MUC12: variants seen among roughly 807,000 people sequenced by gnomAD.
The protein encoded by MUC12 is mucin 12, cell surface associated, also known as mucin-12.
A neutral mutation model predicts 230.8 loss-of-function variants in MUC12; 172 were observed. That is an observed-to-expected ratio of 0.75 (90% CI 0.66 to 0.85). The LOEUF is 0.85. Ranked by LOEUF, MUC12 falls within the 40% of genes least tolerant of loss-of-function variation. The probability of loss-of-function intolerance (pLI) is 0.00; values close to 1 mark genes in which losing one functional copy is unlikely to be tolerated. For missense variants in MUC12, 3,506 were observed against 5,920.6 expected (o/e 0.59, Z 13.38); for synonymous variants, 1,259 against 2,401.9 (o/e 0.52, Z 13.91).
At position 101,018,652 on chromosome 7, in the gene MUC12, C is replaced by T. The variant is rs1189390533; in HGVS notation, c.*16C>T. 8 of 1,534,462 alleles carry T rather than the reference C, an allele frequency of 5.2e-6. No homozygotes were observed. The highest frequency in any genetic ancestry group is 4.9e-5 in the East Asian group (2 of 40,726). On this transcript the variant is annotated 3_prime_UTR_variant, in exon 12 of 12. Transcript: ENST00000536621. Reference sequence around the variant, plus strand: ...CACTGTGTGAGCCAACGGGGGCCTCCCACCCTCATCTAGCTCTGTTCAGGA... The same window carrying T: ...CACTGTGTGAGCCAACGGGGGCCTCTCACCCTCATCTAGCTCTGTTCAGGA...
Position 100,991,772 on chromosome 7 carries a change from C to G in MUC12, c.1209C>G (p.Thr403=), listed in dbSNP as rs761469789. 3 of 1,537,948 alleles carry G rather than the reference C, an allele frequency of 2.0e-6. No individual in the cohort carries two copies. Among genetic ancestry groups the G allele is most frequent in the South Asian group, 2.4e-5 (2 of 84,054 alleles). The stretch of plus-strand genomic sequence containing the variant: ...ACACAAAATCTTCAACTCCTAGCAC[C>G]ACAGCTGCCCTAGCACATACAAGCT... ...TTHTKSSTPS[T]TAALAHTSYH... is the part of the protein sequence containing the mutation. The change falls in exon 2 of 12, where the codon ACC becomes ACG. Residue 403 remains threonine (T), a synonymous_variant. Coordinates refer to ENST00000536621, the MANE Select transcript of MUC12 (RefSeq NM_001164462.2).
At chr7:100,989,124 A>C (rs1304050994) in intron 1 of MUC12, among the ~76,000 whole-genome samples, 1 of 137,462 alleles carries the variant, frequency 7.3e-6, no homozygotes, top group Non-Finnish European at 1.5e-5. Context: ...TTTTTGAGAC[A>C]GAGTCTCACT....
chr7:101,013,912 G>A lies in MUC12; in HGVS notation c.15639-1G>A, dbSNP rs538554981. The A allele has an allele frequency of 5.2e-6, 8 of 1,533,054 alleles. No homozygotes were observed. Among genetic ancestry groups the A allele is most frequent in the South Asian group, 4.8e-5 (4 of 83,210 alleles). The allele number at this position is 1,533,054 out of a possible 1,614,324, so 95.0% of individuals were successfully genotyped here. On this transcript the variant is annotated splice_acceptor_variant, in intron 8 of 11. Transcript: ENST00000536621. LOFTEE classifies it high-confidence loss of function. ...CAGCGTGAGCTTGTCTGTGTCCCCAGGTGCCCAAATACGAACACACACTGG... is the reference window on the plus strand; with the variant it reads ...CAGCGTGAGCTTGTCTGTGTCCCCAAGTGCCCAAATACGAACACACACTGG...
chr7:101,008,610 G>A (rs977507105), intron 3 of MUC12, 24 bp from the exon 4 acceptor site: 3 of 1,534,652 alleles, frequency 2.0e-6, no homozygotes, highest in African/African-American at 1.4e-5. Context: ...GCTGTCTCAC[G>A]CATACCATGG....
chr7:100,984,749 A>G (rs1287831147), intron 1 of MUC12, among the ~76,000 whole-genome samples: 1 of 152,186 alleles, frequency 6.6e-6, no homozygotes. Context: ...GGTGAGCTGT[A>G]ATGAGCTGAT....
In MUC12 at chr7:101,002,915, C is replaced by A; in HGVS notation, c.12352C>A (p.His4118Asn). 1 of 1,238,666 alleles carries A rather than the reference C, an allele frequency of 8.1e-7. No homozygotes were observed. The highest frequency in any genetic ancestry group is 2.2e-4 in the Middle Eastern group (1 of 4,578). 76.7% of individuals were successfully genotyped at this position (1,238,666 alleles called of 1,614,324 possible). The change falls in exon 2 of 12, where the codon CAC becomes AAC. Residue 4118 changes from histidine (H) to asparagine (N), a missense_variant. Physicochemically the swap from His to Asn is moderately conservative, Grantham distance 68. Transcript: ENST00000536621. Reference protein sequence around the residue: ...HSRPSSTPTTHFSASSTTLGR... With the variant: ...HSRPSSTPTTNFSASSTTLGR... ...CCGCCCGAGCTCAACTCCAACAACACACTTTTCTGCCAGTTCCACAACCTT... is the reference window on the plus strand; with the variant it reads ...CCGCCCGAGCTCAACTCCAACAACAAACTTTTCTGCCAGTTCCACAACCTT...
In MUC12 at chr7:100,995,885, C is replaced by A. The variant is rs754997884; in HGVS notation, c.5322C>A (p.Ser1774Arg). 3 of 1,423,636 alleles carry A rather than the reference C, an allele frequency of 2.1e-6. No individual in the cohort carries two copies. Among genetic ancestry groups the A allele is most frequent in the Admixed American group, 2.1e-5 (1 of 47,406 alleles). 88.2% of individuals were successfully genotyped at this position (1,423,636 alleles called of 1,614,324 possible). The change falls in exon 2 of 12, where the codon AGC becomes AGA. Residue 1774 changes from serine to arginine, a missense_variant. Physicochemically the swap from Ser to Arg is moderately radical, Grantham distance 110. Coordinates refer to ENST00000536621, the MANE Select transcript of MUC12 (RefSeq NM_001164462.2). ...GLVEESTAYHSSPGSTQTMHF... is the reference protein window; with the variant it reads ...GLVEESTAYHRSPGSTQTMHF... ...TTGAAGAATCTACGGCGTACCACAG[C>A]AGCCCGGGCTCAACTCAAACAATGC...
Position 100,992,228 on chromosome 7 carries a change from C to G in MUC12, c.1665C>G (p.Ser555Arg). The stretch of plus-strand genomic sequence containing the variant: ...AGGAATCTACAGCTTCCCACAGCAG[C>G]CCAGGCCCCACAGACACAACATTGT... ...LSQESTASHS[S>R]PGPTDTTLSP... is the part of the protein sequence containing the mutation. Residue 555 changes from serine to arginine, a missense_variant, in exon 2 of 12, where the codon AGC becomes AGG. Physicochemically the swap from Ser to Arg is moderately radical, Grantham distance 110. Coordinates refer to ENST00000536621, the MANE Select transcript of MUC12 (RefSeq NM_001164462.2). The G allele has an allele frequency of 6.5e-7, 1 of 1,537,268 alleles. No individual in the cohort carries two copies. Among genetic ancestry groups the G allele is most frequent in the Non-Finnish European group, 8.7e-7 (1 of 1,146,538 alleles).
At chr7:100,985,643 C>G (rs1793175892) in intron 1 of MUC12, among the ~76,000 whole-genome samples, 1 of 152,118 alleles carries the variant, frequency 6.6e-6, no homozygotes, top group South Asian at 2.1e-4. Context: ...CTTTCACTGT[C>G]TCAGTCATAA....
chr7:100,983,388 C>T (rs1468838321), intron 1 of MUC12, among the ~76,000 whole-genome samples: 1 of 151,316 alleles, frequency 6.6e-6, no homozygotes, highest in East Asian at 1.9e-4. Flanking sequence ...CCAGTGCACT[C>T]CAGCCTGGGC....
intron 1 of MUC12, among the ~76,000 whole-genome samples, chr7:100,970,049 G>A (rs1409522714): frequency 2.6e-5 from 4 of 152,312 alleles, no homozygotes; most frequent in Non-Finnish European, 5.9e-5. Flanking sequence ...ATCTGCTGGA[G>A]GGATGGGTCT....
intron 1 of MUC12, among the ~76,000 whole-genome samples, chr7:100,979,882 T>C (rs1258859789): frequency 6.6e-6 from 1 of 152,088 alleles, no homozygotes; most frequent in East Asian, 1.9e-4. Flanking sequence ...TTAAAAATTA[T>C]AAAACGAGGG....
chr7:101,011,180 G>A (rs1431014825), intron 5 of MUC12, among the ~76,000 whole-genome samples: 1 of 152,150 alleles, frequency 6.6e-6, no homozygotes, highest in East Asian at 1.9e-4. Context: ...CTTCAAGGGT[G>A]CCGTGTCCTT....
chr7:100,987,473 G>A (rs1361045656), intron 1 of MUC12, among the ~76,000 whole-genome samples: 1 of 152,202 alleles, frequency 6.6e-6, no homozygotes, highest in Non-Finnish European at 1.5e-5. Context: ...ACCAGGTAGA[G>A]GGGGCAGTGT....
chr7:100,991,726 C>T lies in MUC12; in HGVS notation c.1163C>T (p.Thr388Ile), dbSNP rs375207510. Reference protein sequence around the residue: ...TTSGHSEESATFHGSTTHTKS... With the variant: ...TTSGHSEESAIFHGSTTHTKS... The stretch of plus-strand genomic sequence containing the variant: ...TCAGGCCATAGTGAAGAATCAGCAA[C>T]TTTCCACGGCAGCACAACACACACA... Residue 388 changes from threonine (T) to isoleucine (I), a missense_variant, in exon 2 of 12, where the codon ACT becomes ATT. Transcript: ENST00000536621. 5.9e-5 allele frequency: 91 copies of T among 1,537,866 alleles called. No homozygotes were observed. In the African/African-American group the frequency reaches 1.0e-3, roughly 18 times the overall value.
rs1165553443 is a variant in MUC12, at chr7:101,004,865, A to T, written c.14302A>T (p.Ser4768Cys). The change falls in exon 2 of 12, where the codon AGC becomes TGC. Residue 4768 changes from serine (S) to cysteine (C), a missense_variant. Transcript: ENST00000536621. Reference sequence around the variant, plus strand: ...CTCCAGCATCAGTGGAGAACCCACCAGCTTGTATAGCCAAGCAGAGTCAAC... The same window carrying T: ...CTCCAGCATCAGTGGAGAACCCACCTGCTTGTATAGCCAAGCAGAGTCAAC... ...TSSSISGEPT[S>C]LYSQAESTHT... is the part of the protein sequence containing the mutation. The T allele has an allele frequency of 6.5e-7, 1 of 1,537,216 alleles. No individual in the cohort carries two copies. Among genetic ancestry groups the T allele is most frequent in the Non-Finnish European group, 8.7e-7 (1 of 1,146,536 alleles).
chr7:101,005,170 C>T lies in MUC12; in HGVS notation c.14607C>T (p.Asn4869=), dbSNP rs1239431131. ...STETTAFSHS[N]TMSIHSQQST... ...AAACCACAGCGTTTTCTCACAGCAA[C>T]ACAATGTCCATTCATAGTCAACAAT... Residue 4869 remains asparagine (N), a synonymous_variant, in exon 2 of 12, where the codon AAC becomes AAT. Transcript: ENST00000536621. 4.6e-6 allele frequency: 7 copies of T among 1,537,734 alleles called. No homozygotes were observed. The South Asian group carries it at 4.8e-5, about 10-fold the overall frequency.
intron 1 of MUC12, chr7:100,981,420 G>A (rs1004330879): frequency 6.3e-6 from 4 of 630,278 alleles, no homozygotes; most frequent in Non-Finnish European, 8.6e-6. Context: ...GGGACGACGG[G>A]GATGGCAGAG....
At chr7:101,017,368 T>A (rs1212455062) in intron 10 of MUC12, 1 of 548,646 alleles carries the variant, frequency 1.8e-6, no homozygotes, top group East Asian at 3.1e-5. Context: ...CGCTCCCTCC[T>A]GTTCCGGGGT....
Sources: gnomAD v4.1 joint callset for allele counts (sites outside exome capture counted in the v4.1 genomes callset) on GRCh38, gnomAD v4.1.1 for gene constraint, MANE v1.5 for transcripts, NCBI Gene and HGNC (gene_info 2026-07-23, HGNC 2026-07-21) for gene names.